The following DOCK3 variants were observed in gnomAD, a reference collection of about 807,000 sequenced individuals.
DOCK3 encodes dedicator of cytokinesis 3, also known as dedicator of cytokinesis protein 3.
A neutral mutation model predicts 265.6 loss-of-function variants in DOCK3; 60 were observed. That is an observed-to-expected ratio of 0.23 (90% CI 0.18 to 0.28). The LOEUF (loss-of-function observed/expected upper bound fraction) is 0.28, where lower values mean the gene tolerates loss of function less well. Ranked by LOEUF, DOCK3 falls within the 10% of genes least tolerant of loss-of-function variation. The pLI is 1.00. For missense variants in DOCK3, 1,981 were observed against 2,594.3 expected (o/e 0.76, Z 5.14); for synonymous variants, 881 against 938.0 (o/e 0.94, Z 1.11).
intron 14 of DOCK3, among the ~76,000 whole-genome samples, chr3:51,217,821 A>G (rs1317655522): frequency 5.9e-5 from 9 of 152,188 alleles, no homozygotes. Context: ...GGAATGATTT[A>G]AAACCTCTAG....
chr3:51,302,344 C>T (rs377578025), intron 27 of DOCK3, among the ~76,000 whole-genome samples: 12 of 152,118 alleles, frequency 7.9e-5, no homozygotes, highest in African/African-American at 2.9e-4. Context: ...ATGGGTCTCT[C>T]GAATACAGCA....
intron 3 of DOCK3, among the ~76,000 whole-genome samples, chr3:50,844,949 A>G (rs2046010002): frequency 6.6e-6 from 1 of 152,214 alleles, no homozygotes; most frequent in Non-Finnish European, 1.5e-5. Context: ...CTGGCCAGGC[A>G]CGGTAGCTCT....
chr3:50,724,610 A>G (rs948297215), intron 1 of DOCK3, among the ~76,000 whole-genome samples: 2 of 150,216 alleles, frequency 1.3e-5, no homozygotes, highest in African/African-American at 4.9e-5. Flanking sequence ...CAAACACTGC[A>G]TGTTCTCACT....
chr3:50,917,587 T>A (rs1006675827), intron 4 of DOCK3, among the ~76,000 whole-genome samples: 2 of 152,088 alleles, frequency 1.3e-5, no homozygotes, highest in Non-Finnish European at 2.9e-5. Flanking sequence ...TTGTGTTTTT[T>A]AAAATTTTTC....
At chr3:51,164,017 A>G (rs1396348951) in intron 12 of DOCK3, among the ~76,000 whole-genome samples, 6 of 152,168 alleles carry the variant, frequency 3.9e-5, no homozygotes, top group Non-Finnish European at 7.4e-5. Flanking sequence ...TACTCCCACC[A>G]GATTGGCTTT....
intron 21 of DOCK3, among the ~76,000 whole-genome samples, chr3:51,246,430 C>T (rs190392127): frequency 3.9e-5 from 6 of 151,962 alleles, no homozygotes; most frequent in East Asian, 3.9e-4. Context: ...GATAAGGTTT[C>T]GCCATGTTCC....
At chr3:51,054,598 A>G (rs894102768) in intron 5 of DOCK3, among the ~76,000 whole-genome samples, 1 of 152,292 alleles carries the variant, frequency 6.6e-6, no homozygotes, top group East Asian at 1.9e-4. Context: ...CCCTTTGATT[A>G]GAGTTGGACA....
chr3:51,143,267 T>C (rs2085146512), intron 9 of DOCK3, among the ~76,000 whole-genome samples: 1 of 27,890 alleles, frequency 3.6e-5, no homozygotes, highest in Non-Finnish European at 6.5e-5. Context: ...CTGTTTTTTT[T>C]TTTTATGTGT....
chr3:50,958,314 G>A (rs755431393), intron 5 of DOCK3, among the ~76,000 whole-genome samples: 6 of 152,042 alleles, frequency 3.9e-5, no homozygotes, highest in Admixed American at 6.5e-5. Context: ...TTGCAGTTTC[G>A]CAAAAATTAT....
rs983639567 is a variant in DOCK3 at position 51,193,935 on chromosome 3, C to T, written c.1038-14839C>T. 7.4e-5 allele frequency among the ~76,000 whole-genome samples: 11 copies of T among 148,530 alleles called. No homozygotes were observed. The Middle Eastern group carries it at 0.01, about 142-fold the overall frequency. Reference sequence around the variant, plus strand: ...AGTCTCTATTTCATTTTGCTCTTTTCTTCTGCTAGTTTTGGGTTTCATTTG... The same window carrying T: ...AGTCTCTATTTCATTTTGCTCTTTTTTTCTGCTAGTTTTGGGTTTCATTTG... On this transcript the variant is annotated intron_variant, in intron 12 of 52. Transcript: ENST00000266037.
chr3:50,752,732 C>T (rs1440408259), intron 1 of DOCK3, among the ~76,000 whole-genome samples: 5 of 152,046 alleles, frequency 3.3e-5, no homozygotes, highest in Non-Finnish European at 7.4e-5. Context: ...GAGCCGAGAT[C>T]GCACCACTAC....
At chr3:50,999,738 G>A (rs2078408475) in intron 5 of DOCK3, among the ~76,000 whole-genome samples, 1 of 152,116 alleles carries the variant, frequency 6.6e-6, no homozygotes, top group African/African-American at 2.4e-5. Flanking sequence ...CTCCTTCTTG[G>A]TAAATGGCAA....
chr3:50,756,026 T>C (rs749623565), intron 1 of DOCK3, among the ~76,000 whole-genome samples: 13 of 152,292 alleles, frequency 8.5e-5, no homozygotes, highest in Middle Eastern at 3.4e-3. Context: ...CCAAGTGAGA[T>C]CCAAATGCCC....
chr3:50,777,731 A>G (rs1291557852), intron 1 of DOCK3, among the ~76,000 whole-genome samples: 1 of 152,122 alleles, frequency 6.6e-6, no homozygotes, highest in Admixed American at 6.5e-5. Flanking sequence ...TTTTTGGTGT[A>G]TGGCAGTGCT....
At chr3:50,690,674 G>A (rs1198256775) in intron 1 of DOCK3, among the ~76,000 whole-genome samples, 4 of 151,690 alleles carry the variant, frequency 2.6e-5, no homozygotes, top group African/African-American at 7.3e-5. Flanking sequence ...ACAGAATCTC[G>A]CTGTGTTGCC....
chr3:51,049,824 C>CACAG (rs1166430811), intron 5 of DOCK3, among the ~76,000 whole-genome samples: 1 of 116,944 alleles, frequency 8.6e-6, no homozygotes, highest in Non-Finnish European at 1.8e-5. Context: ...CACACACACA[C>CACAG]ACACCCCAAA....
chr3:51,354,804 T>G, intron 40 of DOCK3, 78 bp from the exon 41 acceptor site: 1 of 1,558,742 alleles, frequency 6.4e-7, no homozygotes, highest in Non-Finnish European at 8.7e-7. Context: ...TTGTGCTATA[T>G]GTAGCTACTG....
chr3:51,169,745 T>TA lies in DOCK3; in HGVS notation c.1037+9056dup, dbSNP rs879477606. 4.2e-3 allele frequency among the ~76,000 whole-genome samples: 591 copies of TA among 141,068 alleles called. 3 individuals are homozygous for TA. Among genetic ancestry groups the TA allele is most frequent in the African/African-American group, 0.012 (465 of 38,560 alleles). 92.5% of individuals were successfully genotyped at this position (141,068 alleles called of 152,430 possible). A position where few individuals can be genotyped will look rare whatever the true frequency, so the allele number is the denominator to read the frequency against. ...TTACCCCTGAACCTAAAATAAAAGTTAAAAAAAAAAAAAGAAATGGTCATA... is the reference window on the plus strand; with the variant it reads ...TTACCCCTGAACCTAAAATAAAAGTTAAAAAAAAAAAAAAGAAATGGTCATA... On this transcript the variant is annotated intron_variant, in intron 12 of 52. Coordinates refer to ENST00000266037, the MANE Select transcript of DOCK3 (RefSeq NM_004947.5).
At position 50,840,561 on chromosome 3, in the gene DOCK3, CTGTT is replaced by C. The variant is rs554503204; in HGVS notation, c.122-1111_122-1108del. Among the ~76,000 whole-genome samples, 40 of 152,260 alleles carry C rather than the reference CTGTT, an allele frequency of 2.6e-4. No individual in the cohort carries two copies. The South Asian group carries it at 8.1e-3, about 31-fold the overall frequency. On this transcript the variant is annotated intron_variant, in intron 2 of 52. Coordinates refer to ENST00000266037, the MANE Select transcript of DOCK3 (RefSeq NM_004947.5). ...ATTTCTGGATTCTCTATTCAGTTCT[CTGTT>C]TGCCTAATCTTTCACCAATATCATA...
Sources: allele counts gnomAD v4.1 joint callset (sites outside exome capture counted in the v4.1 genomes callset), GRCh38; gene constraint gnomAD v4.1.1; transcripts MANE v1.5; gene names NCBI Gene and HGNC (gene_info 2026-07-23, HGNC 2026-07-21).